CSNK1G3: variants seen among roughly 807,000 people sequenced by gnomAD.
The protein encoded by CSNK1G3 is casein kinase I isoform gamma-3.
In CSNK1G3, 23 loss-of-function variants were observed where a neutral mutation model predicts 64.3. The ratio of observed to expected loss-of-function variants is 0.36; its 90% CI spans 0.26 to 0.51. CSNK1G3 has a LOEUF of 0.51. Among genes scored for constraint, CSNK1G3 ranks in the 20% least tolerant of loss-of-function variants. The pLI, the probability that CSNK1G3 is intolerant of heterozygous loss-of-function variation, is 0.96. For synonymous variants in CSNK1G3, 158 were observed against 162.2 expected (o/e 0.97, Z 0.20); for missense variants, 357 against 510.5 (o/e 0.70, Z 2.90).
At chr5:123,515,524 G>A (rs1776988625) in intron 1 of CSNK1G3, among the ~76,000 whole-genome samples, 1 of 152,092 alleles carries the variant, frequency 6.6e-6, no homozygotes, top group African/African-American at 2.4e-5. Flanking sequence ...ACAGAGGGAT[G>A]ATAAGATGAG....
chr5:123,611,051 G>GTGGC (rs779920330), intron 12 of CSNK1G3, among the ~76,000 whole-genome samples: 1 of 152,200 alleles, frequency 6.6e-6, no homozygotes, highest in Non-Finnish European at 1.5e-5. Flanking sequence ...GTGTGCTCAA[G>GTGGC]TGGCTACATG....
exon 2 of CSNK1G3, chr5:123,545,759 A>G (rs751755170): frequency 1.2e-6 from 2 of 1,613,698 alleles, no homozygotes; most frequent in South Asian, 1.1e-5. Context: ...CTGGGTCTTC[A>G]TCGTCTGGAG....
chr5:123,585,942 T>C (rs778163018), intron 6 of CSNK1G3, among the ~76,000 whole-genome samples: 2 of 152,116 alleles, frequency 1.3e-5, no homozygotes, highest in African/African-American at 2.4e-5. Flanking sequence ...CCCTTCTAGA[T>C]ATTAACCCAA....
intron 3 of CSNK1G3, among the ~76,000 whole-genome samples, chr5:123,554,233 C>T (rs1030309534): frequency 1.3e-5 from 2 of 152,222 alleles, no homozygotes; most frequent in African/African-American, 4.8e-5. Flanking sequence ...TGACATGTGG[C>T]TTTAGACTGG....
chr5:123,606,846 T>C (rs977273481), intron 12 of CSNK1G3, among the ~76,000 whole-genome samples: 1 of 152,214 alleles, frequency 6.6e-6, no homozygotes, highest in Non-Finnish European at 1.5e-5. Context: ...TACCTGATGC[T>C]GTCCTTGTTC....
chr5:123,547,238 T>G (rs991731264), intron 2 of CSNK1G3, among the ~76,000 whole-genome samples: 2 of 152,138 alleles, frequency 1.3e-5, no homozygotes, highest in African/African-American at 4.8e-5. Flanking sequence ...ATATCAGGAT[T>G]ATTACCACTT....
At chr5:123,558,126 A>G (rs1784972770) in intron 4 of CSNK1G3, among the ~76,000 whole-genome samples, 1 of 152,160 alleles carries the variant, frequency 6.6e-6, no homozygotes, top group Non-Finnish European at 1.5e-5. Flanking sequence ...GAGTCTCTAG[A>G]GGGAGTGTGG....
Position 123,559,702 on chromosome 5 carries a change from G to GT in CSNK1G3, c.289+2154dup, listed in dbSNP as rs11357811. On this transcript the variant is annotated intron_variant, in intron 4 of 12. Coordinates refer to ENST00000345990, the Ensembl canonical transcript of CSNK1G3. ...CATGAATTTGGGCATATTTTTTGTG[G>GT]TTTTTTTTTTTTTTTTGGTCATTTG... 6.6e-3 allele frequency among the ~76,000 whole-genome samples: 879 copies of GT among 132,396 alleles called. 6 individuals carry two copies. The highest frequency in any genetic ancestry group is 8.9e-3 in the South Asian group (37 of 4,172). The allele number at this position is 132,396 out of a possible 152,430, so 86.9% of individuals were successfully genotyped here. A position where few individuals can be genotyped will look rare whatever the true frequency, so the allele number is the denominator to read the frequency against.
chr5:123,614,494 C>T (rs1223203350), exon 13 of CSNK1G3: 1 of 1,025,028 alleles, frequency 9.8e-7, no homozygotes, highest in Non-Finnish European at 1.4e-6. Context: ...TTTTCAAGGA[C>T]TCACTCTTAG....
chr5:123,597,732 G>A (rs1793698324), intron 10 of CSNK1G3, among the ~76,000 whole-genome samples: 1 of 152,124 alleles, frequency 6.6e-6, no homozygotes, highest in South Asian at 2.1e-4. Context: ...TTACCAGGTT[G>A]ATGATGTTGC....
At chr5:123,615,728 T>C (rs1749344103) in exon 13 of CSNK1G3, 1 of 152,202 alleles carries the variant, frequency 6.6e-6, no homozygotes, top group South Asian at 2.1e-4. Flanking sequence ...CAAGAAGGGT[T>C]AAAACAAAGA....
chr5:123,552,370 T>C (rs541633504), intron 2 of CSNK1G3, among the ~76,000 whole-genome samples: 12 of 152,214 alleles, frequency 7.9e-5, no homozygotes, highest in South Asian at 2.1e-4. Context: ...GGTCTTGAAC[T>C]CCTGACTTCA....
intron 10 of CSNK1G3, among the ~76,000 whole-genome samples, chr5:123,594,050 T>C (rs1209450626): frequency 1.3e-5 from 2 of 152,142 alleles, no homozygotes; most frequent in African/African-American, 4.8e-5. Flanking sequence ...GTTGTACTCC[T>C]TGGTAGGTCT....
exon 9 of CSNK1G3, chr5:123,590,432 T>A (rs1210336762): frequency 6.8e-7 from 1 of 1,481,058 alleles, no homozygotes; most frequent in African/African-American, 1.5e-5. Flanking sequence ...CATATCTTCG[T>A]TATGTAAGAA....
chr5:123,559,636 G>A (rs1785288331), intron 4 of CSNK1G3, among the ~76,000 whole-genome samples: 1 of 151,508 alleles, frequency 6.6e-6, no homozygotes, highest in African/African-American at 2.4e-5. Flanking sequence ...GTGGCTCTGA[G>A]CTGTGACACA....
intron 3 of CSNK1G3, among the ~76,000 whole-genome samples, chr5:123,556,746 T>A (rs1224808697): frequency 1.4e-5 from 2 of 146,696 alleles, no homozygotes; most frequent in Non-Finnish European, 3.0e-5. Flanking sequence ...CTAAAACCCA[T>A]GTTTCCTCTG....
rs1044059679 is a variant in CSNK1G3 at position 123,572,412 on chromosome 5, A to G, written c.290-981A>G. ...TCATATTTGGAGTTTGTATTATTCT[A>G]TATAGCTTCATAATGAATTATTACT... On this transcript the variant is annotated intron_variant, in intron 4 of 12. Transcript: ENST00000345990. Among the ~76,000 whole-genome samples the G allele has an allele frequency of 5.9e-5, 9 of 152,182 alleles. 1 individual carries two copies. The highest frequency in any genetic ancestry group is 1.9e-4 in the African/African-American group (8 of 41,442).
intron 4 of CSNK1G3, among the ~76,000 whole-genome samples, chr5:123,561,662 C>T (rs896928954): frequency 1.2e-4 from 18 of 152,154 alleles, no homozygotes; most frequent in Non-Finnish European, 2.2e-4. Context: ...AGTTCTTTAT[C>T]TCCTGCTTCT....
intron 1 of CSNK1G3, among the ~76,000 whole-genome samples, chr5:123,516,238 C>T (rs926499780): frequency 1.3e-5 from 2 of 152,066 alleles, no homozygotes; most frequent in African/African-American, 4.8e-5. Context: ...ATTTAAGGCA[C>T]CTCAGAGCAT....
Sources: allele counts gnomAD v4.1 joint callset (sites outside exome capture counted in the v4.1 genomes callset), GRCh38; gene constraint gnomAD v4.1.1; transcripts MANE v1.5; gene names NCBI Gene and HGNC (gene_info 2026-07-23, HGNC 2026-07-21).